UNC13C: variants seen among roughly 807,000 people sequenced by gnomAD.
UNC13C encodes protein unc-13 homolog C.
A neutral mutation model predicts 245.4 loss-of-function variants in UNC13C; 174 were observed. The observed-to-expected ratio is 0.71, with a 90% CI of 0.63 to 0.80. The LOEUF is 0.80. Among genes scored for constraint, UNC13C ranks in the 30% least tolerant of loss-of-function variants. UNC13C has a pLI of 0.00. For synonymous variants in UNC13C, 992 were observed against 895.1 expected, an observed-to-expected ratio of 1.11 and a Z score of -1.93; for missense variants, 2,829 against 2,602.9, an observed-to-expected ratio of 1.09 and a Z score of -1.89.
At chr15:54,500,312 A>G (rs970546144) in intron 21 of UNC13C, 137 bp downstream of exon 21, 2 of 695,556 alleles carry the variant, frequency 2.9e-6, no homozygotes, top group Non-Finnish European at 4.8e-6. Flanking sequence ...TTAAAACACA[A>G]TTTCAGTGGT....
At chr15:54,053,035 C>T (rs1028922089) in intron 2 of UNC13C, among the ~76,000 whole-genome samples, 2 of 151,956 alleles carry the variant, frequency 1.3e-5, no homozygotes, top group Non-Finnish European at 2.9e-5. Context: ...ACTCTGTTGC[C>T]CAGGCTGGAG....
At chr15:53,957,761 G>T in the UNC13C span, among the ~76,000 whole-genome samples, 1 of 152,098 alleles carries the variant, frequency 6.6e-6, no homozygotes, top group Admixed American at 6.5e-5. Flanking sequence ...TATTTTAAAC[G>T]TAGTTTAAGT....
At chr15:54,624,109 A>G (rs1900986413) in intron 32 of UNC13C, among the ~76,000 whole-genome samples, 155 bp downstream of exon 32, 1 of 152,086 alleles carries the variant, frequency 6.6e-6, no homozygotes, top group Non-Finnish European at 1.5e-5. Context: ...AGTGCCTGCC[A>G]TGTATCAGCC....
rs1895493244 is a variant in UNC13C, at chr15:54,013,684, T to G, written c.781T>G (p.Ser261Ala). 6.2e-7 allele frequency: 1 copy of G among 1,613,730 alleles called. No homozygotes were observed. The highest frequency in any genetic ancestry group is 1.7e-4 in the Middle Eastern group (1 of 6,060). ...AATAAGTCAGATTGAAACAGAACTTTCTGAACTACGAGGGCACGTCAATGC... is the reference window on the plus strand; with the variant it reads ...AATAAGTCAGATTGAAACAGAACTTGCTGAACTACGAGGGCACGTCAATGC... Reference protein sequence around the residue: ...QGISQIETELSELRGHVNALK... With the variant: ...QGISQIETELAELRGHVNALK... The change falls in exon 2 of 33, where the codon TCT becomes GCT. Residue 261 changes from serine to alanine, a missense_variant. Transcript: ENST00000260323.
chr15:54,079,375 C>T (rs2141114671), intron 2 of UNC13C, among the ~76,000 whole-genome samples: 1 of 152,052 alleles, frequency 6.6e-6, no homozygotes, highest in East Asian at 1.9e-4. Flanking sequence ...ATAGGAATTT[C>T]ACTGAATTTT....
At chr15:54,461,880 G>T (rs1891864549) in intron 19 of UNC13C, among the ~76,000 whole-genome samples, 1 of 152,186 alleles carries the variant, frequency 6.6e-6, no homozygotes, top group Non-Finnish European at 1.5e-5. Flanking sequence ...TGAAGAAAAA[G>T]AAGAATACTG....
intron 4 of UNC13C, among the ~76,000 whole-genome samples, chr15:54,229,368 T>C (rs2035484906): frequency 1.3e-5 from 2 of 152,212 alleles, no homozygotes; most frequent in Non-Finnish European, 2.9e-5. Flanking sequence ...TTTTGGTGGA[T>C]GCTTGTTCAA....
the UNC13C span, among the ~76,000 whole-genome samples, chr15:53,875,032 G>A: frequency 1.3e-5 from 2 of 152,154 alleles, no homozygotes; most frequent in African/African-American, 4.8e-5. Context: ...GGTGGAGGTT[G>A]CAGTGAGCTG....
chr15:54,108,272 C>T (rs563508600), intron 2 of UNC13C, among the ~76,000 whole-genome samples: 4 of 152,222 alleles, frequency 2.6e-5, no homozygotes, highest in Admixed American at 6.5e-5. Context: ...CTGCAATCTC[C>T]GCCTCCAGGG....
the UNC13C span, among the ~76,000 whole-genome samples, chr15:53,856,530 C>G: frequency 1.3e-5 from 2 of 152,056 alleles, no homozygotes; most frequent in Non-Finnish European, 2.9e-5. Flanking sequence ...TTCTTGATTT[C>G]TGCCTTAATT....
chr15:54,161,623 A>G (rs2032978388), intron 4 of UNC13C, among the ~76,000 whole-genome samples: 1 of 152,038 alleles, frequency 6.6e-6, no homozygotes, highest in Non-Finnish European at 1.5e-5. Flanking sequence ...TTTATATTAG[A>G]TACAGTAAGC....
chr15:54,189,583 T>C (rs1368077547), intron 4 of UNC13C, among the ~76,000 whole-genome samples: 1 of 152,170 alleles, frequency 6.6e-6, no homozygotes, highest in Non-Finnish European at 1.5e-5. Context: ...ATTATGTAGA[T>C]ATTTCGGGAA....
intron 19 of UNC13C, among the ~76,000 whole-genome samples, chr15:54,421,919 G>T (rs752693203): frequency 6.6e-6 from 1 of 151,904 alleles, no homozygotes; most frequent in Non-Finnish European, 1.5e-5. Flanking sequence ...AACACAACAG[G>T]CATGATCCCT....
At chr15:54,540,436 T>C (rs1896192515) in intron 26 of UNC13C, among the ~76,000 whole-genome samples, 1 of 152,138 alleles carries the variant, frequency 6.6e-6, no homozygotes, top group Non-Finnish European at 1.5e-5. Flanking sequence ...TCAGCCAATC[T>C]AGATAGCTCA....
intron 17 of UNC13C, among the ~76,000 whole-genome samples, chr15:54,343,178 G>T: frequency 6.7e-6 from 1 of 148,560 alleles, no homozygotes; most frequent in Non-Finnish European, 1.5e-5. Context: ...CTGTCACCCA[G>T]ACTGGAGCGC....
intron 2 of UNC13C, among the ~76,000 whole-genome samples, chr15:54,064,750 A>C (rs1160130832): frequency 6.6e-6 from 1 of 152,158 alleles, no homozygotes; most frequent in Non-Finnish European, 1.5e-5. Context: ...GTACTGTTTA[A>C]TTCACTTTCA....
intron 28 of UNC13C, among the ~76,000 whole-genome samples, chr15:54,553,360 T>C (rs1896944671): frequency 7.9e-6 from 1 of 126,284 alleles, no homozygotes; most frequent in Non-Finnish European, 1.6e-5. Context: ...ATATATAATA[T>C]AATATATAAT....
At chr15:54,024,247 A>G (rs1896013849) in intron 2 of UNC13C, among the ~76,000 whole-genome samples, 1 of 152,176 alleles carries the variant, frequency 6.6e-6, no homozygotes, top group Admixed American at 6.5e-5. Context: ...CTAACTCTGG[A>G]TATCACTTGG....
chr15:54,600,400 G>A (rs932055283), intron 30 of UNC13C, among the ~76,000 whole-genome samples: 1 of 152,092 alleles, frequency 6.6e-6, no homozygotes, highest in Non-Finnish European at 1.5e-5. Context: ...AGGCAAAGAT[G>A]TAGGAATGAG....
Sources: allele counts gnomAD v4.1 joint callset (sites outside exome capture counted in the v4.1 genomes callset), GRCh38; gene constraint gnomAD v4.1.1; transcripts MANE v1.5; gene names NCBI Gene and HGNC (gene_info 2026-07-23, HGNC 2026-07-21).